The following CNTN1 variants were observed in gnomAD, a reference collection of about 807,000 sequenced individuals.
CNTN1 encodes the protein contactin-1.
In CNTN1, 38 loss-of-function variants were observed where a neutral mutation model predicts 126.4. The observed-to-expected ratio is 0.30, with a 90% CI of 0.23 to 0.39. CNTN1 has a LOEUF of 0.39. Among genes scored for constraint, CNTN1 ranks in the 10% least tolerant of loss-of-function variants. CNTN1 has a pLI of 1.00. For synonymous variants in CNTN1, 413 were observed against 422.6 expected, an observed-to-expected ratio of 0.98 and a Z score of 0.28; for missense variants, 1,009 against 1,248.4, an observed-to-expected ratio of 0.81 and a Z score of 2.89.
intron 12 of CNTN1, among the ~76,000 whole-genome samples, chr12:40,943,056 C>A (rs1045388209): frequency 5.3e-5 from 8 of 152,072 alleles, no homozygotes; most frequent in Admixed American, 2.6e-4. Flanking sequence ...TAGTGTCCAT[C>A]CCCTGAGGAA....
At chr12:40,766,179 G>A (rs907053188) in intron 1 of CNTN1, among the ~76,000 whole-genome samples, 11 of 151,966 alleles carry the variant, frequency 7.2e-5, no homozygotes, top group African/African-American at 2.2e-4. Context: ...CCATCATGGC[G>A]AAACCCCATC....
intron 15 of CNTN1, among the ~76,000 whole-genome samples, chr12:40,971,279 C>T (rs1947500465): frequency 1.3e-5 from 2 of 152,130 alleles, no homozygotes; most frequent in Non-Finnish European, 2.9e-5. Context: ...CTCCCTTTGG[C>T]CCCCCGTCCT....
At chr12:40,803,029 G>T (rs1037000631) in intron 1 of CNTN1, among the ~76,000 whole-genome samples, 1 of 151,958 alleles carries the variant, frequency 6.6e-6, no homozygotes, top group Non-Finnish European at 1.5e-5. Flanking sequence ...GATCCCACTT[G>T]TTTAAAATTT....
At chr12:40,756,224 G>A (rs1237692803) in intron 1 of CNTN1, among the ~76,000 whole-genome samples, 4 of 152,044 alleles carry the variant, frequency 2.6e-5, no homozygotes, top group Admixed American at 2.0e-4. Context: ...GGAGCAGGTA[G>A]TAGGATCTAT....
chr12:40,883,447 A>G (rs1943937043), intron 1 of CNTN1, among the ~76,000 whole-genome samples: 1 of 151,636 alleles, frequency 6.6e-6, no homozygotes, highest in African/African-American at 2.4e-5. Flanking sequence ...AGAAAATTCT[A>G]GTGATTTTTG....
At chr12:40,876,414 T>C (rs1943669352) in intron 1 of CNTN1, among the ~76,000 whole-genome samples, 1 of 152,070 alleles carries the variant, frequency 6.6e-6, no homozygotes, top group East Asian at 1.9e-4. Context: ...AATATAGTGT[T>C]CCATTTAAAC....
chr12:40,700,197 C>T (rs1941559751), intron 1 of CNTN1, among the ~76,000 whole-genome samples: 1 of 152,062 alleles, frequency 6.6e-6, no homozygotes, highest in Admixed American at 6.6e-5. Context: ...GTACAATGCT[C>T]TTTCCCTTAC....
chr12:40,773,676 C>CACATATAT (rs1326393832), intron 1 of CNTN1, among the ~76,000 whole-genome samples: 20 of 11,486 alleles, frequency 1.7e-3, no homozygotes, highest in African/African-American at 3.0e-3. Context: ...TATATATACA[C>CACATATAT]ATATATATAT....
At chr12:40,844,493 C>A (rs1464461154) in intron 1 of CNTN1, among the ~76,000 whole-genome samples, 1 of 152,090 alleles carries the variant, frequency 6.6e-6, no homozygotes, top group Non-Finnish European at 1.5e-5. Context: ...GCAAAGCCTT[C>A]CCTTAATTTA....
At chr12:40,844,290 A>G (rs1426765599) in intron 1 of CNTN1, among the ~76,000 whole-genome samples, 1 of 150,692 alleles carries the variant, frequency 6.6e-6, no homozygotes, top group Non-Finnish European at 1.5e-5. Context: ...CTGGTCTCGG[A>G]CTCCTGACCC....
chr12:40,972,554 T>C (rs964840070), intron 15 of CNTN1: 1 of 768,634 alleles, frequency 1.3e-6, no homozygotes, highest in Non-Finnish European at 1.6e-6. Flanking sequence ...ATTATATGTG[T>C]GTGTATATAT....
intron 23 of CNTN1, among the ~76,000 whole-genome samples, chr12:41,034,592 A>G (rs1005350024): frequency 2.0e-5 from 3 of 152,206 alleles, no homozygotes; most frequent in South Asian, 2.1e-4. Context: ...CTCTTCAACC[A>G]TCTTGAAATA....
chr12:41,047,216 A>G (rs1490730116), intron 23 of CNTN1, among the ~76,000 whole-genome samples: 1 of 151,894 alleles, frequency 6.6e-6, no homozygotes. Flanking sequence ...ACCTACAGAA[A>G]CCCAGGAGTC....
intron 14 of CNTN1, among the ~76,000 whole-genome samples, chr12:40,952,497 GAA>G (rs1192932652): frequency 6.6e-6 from 1 of 152,024 alleles, no homozygotes; most frequent in African/African-American, 2.4e-5. Context: ...AGTAACAATA[GAA>G]GTTATATTAG....
intron 1 of CNTN1, among the ~76,000 whole-genome samples, chr12:40,759,819 G>T (rs1396939160): frequency 6.7e-6 from 1 of 149,692 alleles, no homozygotes; most frequent in Non-Finnish European, 1.5e-5. Context: ...GGACTGGGGA[G>T]TGAATCAGGC....
chr12:40,748,696 G>T lies in CNTN1; in HGVS notation c.-77+56104G>T, dbSNP rs17128729. ...TTTAATCACAAAAAGTAATGTTAAT[G>T]TGTTTGTTCCTAAAGTCTTTTGTAT... On this transcript the variant is annotated intron_variant, in intron 1 of 23. Coordinates refer to ENST00000551295, the MANE Select transcript of CNTN1 (RefSeq NM_001843.4). 1.7e-3 allele frequency among the ~76,000 whole-genome samples: 256 copies of T among 152,130 alleles called. 1 individual carries two copies. The East Asian group carries it at 0.019, about 11-fold the overall frequency.
intron 1 of CNTN1, among the ~76,000 whole-genome samples, chr12:40,875,466 G>T (rs1326879048): frequency 6.6e-6 from 1 of 151,630 alleles, no homozygotes; most frequent in Non-Finnish European, 1.5e-5. Context: ...CTGTAATTTT[G>T]TCATTTCAGG....
In CNTN1 at chr12:40,737,285, ATG is replaced by A. The variant is rs34925321; in HGVS notation, c.-77+44713_-77+44714del. Among the ~76,000 whole-genome samples the A allele has an allele frequency of 1.3e-3, 187 of 141,166 alleles. No individual in the cohort carries two copies. The East Asian group carries it at 0.017, about 13-fold the overall frequency. 92.6% of individuals were successfully genotyped at this position (141,166 alleles called of 152,430 possible). A position where few individuals can be genotyped will look rare whatever the true frequency, so the allele number is the denominator to read the frequency against. ...GAGGGACAGAACTAATAGGATATAT[ATG>A]TGTGTGTGTGTGTGTGTGTATATAC... On this transcript the variant is annotated intron_variant, in intron 1 of 23. Coordinates refer to ENST00000551295, the MANE Select transcript of CNTN1 (RefSeq NM_001843.4).
chr12:40,897,131 A>G (rs558997542), intron 1 of CNTN1, among the ~76,000 whole-genome samples: 4 of 152,332 alleles, frequency 2.6e-5, no homozygotes, highest in African/African-American at 9.6e-5. Context: ...ATAATTGTTG[A>G]ATGAATGATG....
Sources: gnomAD v4.1 joint callset for allele counts (sites outside exome capture counted in the v4.1 genomes callset) on GRCh38, gnomAD v4.1.1 for gene constraint, MANE v1.5 for transcripts, NCBI Gene and HGNC (gene_info 2026-07-23, HGNC 2026-07-21) for gene names.